The following CELF4 variants were observed in gnomAD, a reference collection of about 807,000 sequenced individuals.
The protein encoded by CELF4 is CUG-BP- and ETR-3-like factor 4.
CELF4 carries 18 observed loss-of-function variants against 59.9 expected under a neutral mutation model. That is an observed-to-expected ratio of 0.30 (90% CI 0.21 to 0.45). CELF4 has a LOEUF of 0.45. Among genes scored for constraint, CELF4 ranks in the 20% least tolerant of loss-of-function variants. CELF4 has a pLI of 1.00. For missense variants in CELF4, 456 were observed against 689.0 expected (o/e 0.66, Z 3.79); for synonymous variants, 261 against 267.1 (o/e 0.98, Z 0.22).
intron 1 of CELF4, among the ~76,000 whole-genome samples, chr18:37,531,047 G>C (rs1192697504): frequency 6.6e-6 from 1 of 152,056 alleles, no homozygotes; most frequent in Admixed American, 6.6e-5. Context: ...AGCTGGGGTG[G>C]GGGTCACCCG....
At chr18:37,449,332 T>C (rs927325508) in intron 2 of CELF4, among the ~76,000 whole-genome samples, 1 of 151,986 alleles carries the variant, frequency 6.6e-6, no homozygotes. Flanking sequence ...AGCGGGATCA[T>C]GGGGGACAGG....
chr18:37,320,873 T>G (rs2097091652), intron 3 of CELF4, among the ~76,000 whole-genome samples: 1 of 152,034 alleles, frequency 6.6e-6, no homozygotes, highest in Non-Finnish European at 1.5e-5. Context: ...ACAGGTGAGG[T>G]GTGATGGGCT....
chr18:37,408,454 A>T (rs1032048206), intron 2 of CELF4, among the ~76,000 whole-genome samples: 1 of 129,184 alleles, frequency 7.7e-6, no homozygotes. Context: ...GGAAAAATCA[A>T]GAAGGTTTTT....
intron 12 of CELF4, among the ~76,000 whole-genome samples, chr18:37,251,936 G>A (rs2065771097): frequency 6.6e-6 from 1 of 152,206 alleles, no homozygotes; most frequent in South Asian, 2.1e-4. Context: ...AAACAAGCCA[G>A]AAATGGGCAA....
chr18:37,286,318 GCA>G (rs2094760612), intron 3 of CELF4, among the ~76,000 whole-genome samples: 1 of 152,220 alleles, frequency 6.6e-6, no homozygotes, highest in African/African-American at 2.4e-5. Flanking sequence ...GCGCAGAGCT[GCA>G]CAGTGATAAG....
chr18:37,417,625 G>T lies in CELF4; in HGVS notation c.369+67900C>A, dbSNP rs527663418. 3.3e-5 allele frequency among the ~76,000 whole-genome samples: 5 copies of T among 152,306 alleles called. No homozygotes were observed. The South Asian group carries it at 1.0e-3, about 32-fold the overall frequency. On this transcript the variant is annotated intron_variant, in intron 2 of 12. Coordinates refer to ENST00000420428, the MANE Select transcript of CELF4 (RefSeq NM_020180.4). ...CACTGGCCAGTAGCTGGAACCACCAGCTCTCCCAGGAAAAGTGCTGCTCCA... is the reference window on the plus strand; with the variant it reads ...CACTGGCCAGTAGCTGGAACCACCATCTCTCCCAGGAAAAGTGCTGCTCCA...
At chr18:37,277,113 A>C (rs1402661787) in intron 3 of CELF4, among the ~76,000 whole-genome samples, 1 of 152,236 alleles carries the variant, frequency 6.6e-6, no homozygotes, top group Non-Finnish European at 1.5e-5. Context: ...CCACCTGCAG[A>C]GTCCTCCTGC....
intron 2 of CELF4, among the ~76,000 whole-genome samples, chr18:37,397,931 C>T (rs2099265702): frequency 1.3e-5 from 2 of 152,170 alleles, no homozygotes; most frequent in African/African-American, 4.8e-5. Context: ...AACACAAGGT[C>T]ATCTCTGCTC....
chr18:37,489,350 G>T (rs2099892077), intron 1 of CELF4, among the ~76,000 whole-genome samples: 1 of 152,236 alleles, frequency 6.6e-6, no homozygotes, highest in South Asian at 2.1e-4. Flanking sequence ...GTGGGGAGGG[G>T]GCTGCAGGAG....
At chr18:37,475,611 G>C (rs1372209513) in intron 2 of CELF4, among the ~76,000 whole-genome samples, 1 of 152,178 alleles carries the variant, frequency 6.6e-6, no homozygotes, top group Non-Finnish European at 1.5e-5. Flanking sequence ...GTCCTTTCTA[G>C]GGAGCGGGGA....
rs1473694889 is a variant in CELF4 at position 37,254,158 on chromosome 18, G to C, written c.1334-220C>G. 6.6e-6 allele frequency among the ~76,000 whole-genome samples: 1 copy of C among 150,680 alleles called. No individual in the cohort carries two copies. Among genetic ancestry groups the C allele is most frequent in the Non-Finnish European group, 1.5e-5 (1 of 67,518 alleles). On this transcript the variant is annotated intron_variant, in intron 11 of 12. Transcript: ENST00000420428. This position sits in a 1 kb window ranked among gnomAD's most constrained non-coding sequence, Gnocchi z 5.1. ...TGGCGGGGACCCGGCTCGCTGACCT[G>C]CGCCTAGTCTCTGGCCGCGTCACTC...
At chr18:37,443,964 A>G (rs1184830333) in intron 2 of CELF4, among the ~76,000 whole-genome samples, 4 of 152,130 alleles carry the variant, frequency 2.6e-5, no homozygotes, top group Non-Finnish European at 5.9e-5. Flanking sequence ...CCTGACGTGT[A>G]TCTGTGAGAT....
At chr18:37,444,732 TTC>T (rs2099743462) in intron 2 of CELF4, among the ~76,000 whole-genome samples, 3 of 151,208 alleles carry the variant, frequency 2.0e-5, no homozygotes, top group Admixed American at 2.0e-4. Flanking sequence ...TATGGGGTGT[TTC>T]TCTGCACTGT....
At chr18:37,468,294 G>A (rs1386476966) in intron 2 of CELF4, among the ~76,000 whole-genome samples, 1 of 152,206 alleles carries the variant, frequency 6.6e-6, no homozygotes, top group African/African-American at 2.4e-5. Flanking sequence ...TGCATTTCTG[G>A]AGTAATAATT....
chr18:37,280,424 G>C (rs1232030498), intron 3 of CELF4, among the ~76,000 whole-genome samples: 1 of 152,184 alleles, frequency 6.6e-6, no homozygotes, highest in African/African-American at 2.4e-5. Flanking sequence ...AAAGAGTTGT[G>C]CATGGCTCTG....
At chr18:37,366,501 G>T (rs1415889222) in intron 2 of CELF4, among the ~76,000 whole-genome samples, 1 of 152,168 alleles carries the variant, frequency 6.6e-6, no homozygotes, top group African/African-American at 2.4e-5. Context: ...TGCAGGGGCT[G>T]CAGTGTGCCC....
intron 2 of CELF4, among the ~76,000 whole-genome samples, chr18:37,401,352 T>C (rs1363659503): frequency 6.6e-6 from 1 of 152,202 alleles, no homozygotes; most frequent in African/African-American, 2.4e-5. Context: ...ACCTACTGTG[T>C]GGAGGCCCTG....
In CELF4 at chr18:37,520,110, G is replaced by A. The variant is rs187968723; in HGVS notation, c.287-34503C>T. Among the ~76,000 whole-genome samples the A allele has an allele frequency of 3.0e-4, 46 of 152,286 alleles. 1 individual carries two copies. The highest frequency in any genetic ancestry group is 2.0e-3 in the Admixed American group (31 of 15,302). On this transcript the variant is annotated intron_variant, in intron 1 of 12. Coordinates refer to ENST00000420428, the MANE Select transcript of CELF4 (RefSeq NM_020180.4). ...CTAGAGATGAGGGAGGCCATCCCATGCTACCAGGGCTGCATTCTCTCACCC... is the reference window on the plus strand; with the variant it reads ...CTAGAGATGAGGGAGGCCATCCCATACTACCAGGGCTGCATTCTCTCACCC...
intron 2 of CELF4, among the ~76,000 whole-genome samples, chr18:37,413,669 C>T (rs536276413): frequency 1.3e-5 from 2 of 152,264 alleles, no homozygotes; most frequent in Non-Finnish European, 2.9e-5. Context: ...GAGAGGGCAC[C>T]TCATCCTCTT....
Sources: gnomAD v4.1 joint callset for allele counts (sites outside exome capture counted in the v4.1 genomes callset) on GRCh38, gnomAD v4.1.1 for gene constraint, Gnocchi (gnomAD v3.1) non-coding constraint, MANE v1.5 for transcripts, NCBI Gene and HGNC (gene_info 2026-07-23, HGNC 2026-07-21) for gene names.